Variants in KIAA1217 observed in about 807,000 individuals in gnomAD.
The protein encoded by KIAA1217 is sickle tail protein homolog.
KIAA1217 carries 88 observed loss-of-function variants against 163.9 expected under a neutral mutation model. That is an observed-to-expected ratio of 0.54 (90% CI 0.45 to 0.64). The LOEUF is 0.64. Among genes scored for constraint, KIAA1217 ranks in the 30% least tolerant of loss-of-function variants. The probability of loss-of-function intolerance (pLI) is 0.00; values close to 1 mark genes in which losing one functional copy is unlikely to be tolerated. For synonymous variants in KIAA1217, 903 were observed against 923.1 expected, an observed-to-expected ratio of 0.98 and a Z score of 0.39; for missense variants, 2,372 against 2,475.0, an observed-to-expected ratio of 0.96 and a Z score of 0.88.
intron 1 of KIAA1217, among the ~76,000 whole-genome samples, chr10:24,005,613 G>T (rs1310824055): frequency 6.6e-6 from 1 of 152,188 alleles, no homozygotes; most frequent in Non-Finnish European, 1.5e-5. Flanking sequence ...ATAGTAATGT[G>T]TGAGATCACT....
At chr10:24,089,375 C>A (rs1249193060) in intron 2 of KIAA1217, among the ~76,000 whole-genome samples, 2 of 125,244 alleles carry the variant, frequency 1.6e-5, no homozygotes, top group African/African-American at 5.0e-5. Context: ...TTGCCCATGC[C>A]TATGTCCCGA....
At chr10:24,202,240 CAA>C (rs2067302223) in intron 2 of KIAA1217, among the ~76,000 whole-genome samples, 1 of 152,172 alleles carries the variant, frequency 6.6e-6, no homozygotes, top group Admixed American at 6.5e-5. Flanking sequence ...GTTGTTGAAA[CAA>C]AGTCAATTTC....
chr10:23,699,588 G>A (rs7068467), intron 1 of KIAA1217, among the ~76,000 whole-genome samples: 16 of 152,108 alleles, frequency 1.1e-4, no homozygotes, highest in East Asian at 1.9e-4. Context: ...GCAACTATGG[G>A]CAAATTACTG....
chr10:24,058,012 A>G (rs2060588242), intron 2 of KIAA1217, among the ~76,000 whole-genome samples: 1 of 152,192 alleles, frequency 6.6e-6, no homozygotes, highest in Admixed American at 6.5e-5. Context: ...GTTTTCTTCT[A>G]GGAAATTTAT....
intron 1 of KIAA1217, among the ~76,000 whole-genome samples, chr10:23,977,295 C>T (rs1043849356): frequency 6.6e-6 from 1 of 152,070 alleles, no homozygotes; most frequent in African/African-American, 2.4e-5. Context: ...AAATCTATAA[C>T]CTGAAGTTTC....
At chr10:24,209,349 ACCCGGC>A in intron 1 of KIAA1217, 86 bp downstream of exon 1, 1 of 902,278 alleles carries the variant, frequency 1.1e-6, no homozygotes, top group African/African-American at 2.2e-5. Context: ...CAGCTCTGGG[ACCCGGC>A]AAAGGAAAAA....
intron 1 of KIAA1217, among the ~76,000 whole-genome samples, chr10:23,771,546 G>C (rs976043070): frequency 6.6e-6 from 1 of 152,192 alleles, no homozygotes; most frequent in African/African-American, 2.4e-5. Flanking sequence ...CTGTACAACA[G>C]ATAAACTTTT....
intron 2 of KIAA1217, among the ~76,000 whole-genome samples, chr10:24,256,266 A>C (rs1312445104): frequency 1.3e-5 from 2 of 151,670 alleles, no homozygotes; most frequent in African/African-American, 2.4e-5. Context: ...TGGAGCCCAT[A>C]GTGGCAATCC....
intron 6 of KIAA1217, 106 bp from the exon 7 acceptor site, chr10:24,494,394 C>T (rs914458017): frequency 1.2e-5 from 10 of 866,596 alleles, no homozygotes; most frequent in Admixed American, 4.9e-5. Flanking sequence ...TGAACTTCCA[C>T]GGCCTTCTAG....
At chr10:23,897,328 T>G (rs1309321350) in intron 1 of KIAA1217, among the ~76,000 whole-genome samples, 1 of 152,086 alleles carries the variant, frequency 6.6e-6, no homozygotes, top group Non-Finnish European at 1.5e-5. Context: ...CAACCCAAGT[T>G]GTCTGGCATC....
At chr10:24,000,295 TG>T (rs1589215673) in intron 1 of KIAA1217, among the ~76,000 whole-genome samples, 2 of 152,154 alleles carry the variant, frequency 1.3e-5, no homozygotes, top group Non-Finnish European at 2.9e-5. Context: ...AATTGAATCA[TG>T]GGGGGCAGTT....
Position 24,486,036 on chromosome 10 carries a change from G to A in KIAA1217, c.1680-8464G>A, listed in dbSNP as rs562191697. On this transcript the variant is annotated intron_variant, in intron 6 of 20. Coordinates refer to ENST00000376454, the MANE Select transcript of KIAA1217 (RefSeq NM_019590.5). ...CCCCAACCCTGCGTTTGGACACCCA[G>A]ACCCAGAGAACAGTAAGATCTGTAC... 2.6e-5 allele frequency among the ~76,000 whole-genome samples: 4 copies of A among 152,298 alleles called. No individual in the cohort carries two copies. In the East Asian group the frequency reaches 7.7e-4, roughly 29 times the overall value.
intron 2 of KIAA1217, among the ~76,000 whole-genome samples, chr10:24,375,938 A>C (rs1229855090): frequency 6.6e-6 from 1 of 152,210 alleles, no homozygotes; most frequent in Admixed American, 6.5e-5. Context: ...AAGGGTCTGA[A>C]AACGGGAATG....
intron 2 of KIAA1217, among the ~76,000 whole-genome samples, chr10:24,365,962 C>G (rs779963387): frequency 7.9e-5 from 12 of 152,214 alleles, no homozygotes; most frequent in Admixed American, 5.9e-4. Flanking sequence ...TACTTAGAGG[C>G]TCCTATATGT....
At chr10:24,120,487 G>C (rs551433512) in intron 2 of KIAA1217, among the ~76,000 whole-genome samples, 1 of 152,200 alleles carries the variant, frequency 6.6e-6, no homozygotes, top group South Asian at 2.1e-4. Context: ...TCTTGCTATG[G>C]GGCATAATGT....
At chr10:23,972,250 T>C (rs1845345186) in intron 1 of KIAA1217, among the ~76,000 whole-genome samples, 1 of 152,110 alleles carries the variant, frequency 6.6e-6, no homozygotes, top group Non-Finnish European at 1.5e-5. Context: ...ATCCCAGCAA[T>C]CCCATTACTG....
chr10:24,245,781 AC>A (rs931999778), intron 2 of KIAA1217, among the ~76,000 whole-genome samples: 1 of 147,426 alleles, frequency 6.8e-6, no homozygotes, highest in African/African-American at 2.5e-5. Flanking sequence ...GCAGGCATGT[AC>A]CATCACACCA....
intron 2 of KIAA1217, among the ~76,000 whole-genome samples, chr10:24,082,484 G>A (rs1372498013): frequency 6.6e-6 from 1 of 152,166 alleles, no homozygotes; most frequent in Admixed American, 6.5e-5. Context: ...TTATAAGTGA[G>A]AACATGCGGT....
intron 2 of KIAA1217, among the ~76,000 whole-genome samples, chr10:24,345,942 T>C (rs1271429980): frequency 1.3e-5 from 2 of 152,144 alleles, no homozygotes; most frequent in African/African-American, 4.8e-5. Flanking sequence ...TGAAACTCTA[T>C]CCATTCAACA....
Sources: gnomAD v4.1 joint callset for allele counts (sites outside exome capture counted in the v4.1 genomes callset) on GRCh38, gnomAD v4.1.1 for gene constraint, MANE v1.5 for transcripts, NCBI Gene and HGNC (gene_info 2026-07-23, HGNC 2026-07-21) for gene names.